RAPH1: variants seen among roughly 807,000 people sequenced by gnomAD.
The protein encoded by RAPH1 is ras-associated and pleckstrin homology domains-containing protein 1.
RAPH1 carries 18 observed loss-of-function variants against 88.1 expected under a neutral mutation model. That is an observed-to-expected ratio of 0.20 (90% confidence interval 0.14 to 0.30). The LOEUF (loss-of-function observed/expected upper bound fraction) is 0.30, where lower values mean the gene tolerates loss of function less well. Ranked by LOEUF, RAPH1 falls within the 10% of genes least tolerant of loss-of-function variation. RAPH1 has a pLI of 1.00. For synonymous variants in RAPH1, 587 were observed against 559.0 expected (o/e 1.05, Z -0.71); for missense variants, 1,448 against 1,543.2 (o/e 0.94, Z 1.03).
chr2:203,450,282 C>G (rs190614212), intron 10 of RAPH1, among the ~76,000 whole-genome samples: 39 of 152,084 alleles, frequency 2.6e-4, no homozygotes, highest in African/African-American at 8.7e-4. Flanking sequence ...CTTTTCAGAG[C>G]TCAGCTCCTA....
At chr2:203,498,099 T>C (rs1379742263) in intron 1 of RAPH1, among the ~76,000 whole-genome samples, 8 of 152,196 alleles carry the variant, frequency 5.3e-5, no homozygotes, top group Admixed American at 5.2e-4. Flanking sequence ...CCAGAAAATA[T>C]CCTAGGAGGA....
chr2:203,442,094 A>G, intron 13 of RAPH1: 1 of 1,593,166 alleles, frequency 6.3e-7, no homozygotes, highest in Non-Finnish European at 8.5e-7. Flanking sequence ...GAAAATACAT[A>G]AAGAAATGCT....
intron 1 of RAPH1, among the ~76,000 whole-genome samples, chr2:203,534,505 TCCA>T (rs1284031657): frequency 0.027 from 202 of 7,396 alleles, no homozygotes; most frequent in African/African-American, 0.048. Flanking sequence ...CCTCCCTCCG[TCCA>T]CCCCCCCCCC....
At chr2:203,523,262 G>A (rs1471464686) in intron 1 of RAPH1, among the ~76,000 whole-genome samples, 3 of 151,800 alleles carry the variant, frequency 2.0e-5, no homozygotes, top group East Asian at 1.9e-4. Context: ...GCGTGGTGGC[G>A]GGCGCCTGTA....
intron 13 of RAPH1, chr2:203,444,554 A>T: frequency 2.9e-6 from 1 of 348,846 alleles, no homozygotes; most frequent in Non-Finnish European, 5.1e-6. Context: ...AACTGCTTAA[A>T]GGTGGAAAGG....
At chr2:203,447,851 A>G in intron 12 of RAPH1, 108 bp downstream of exon 12, 2 of 1,157,850 alleles carry the variant, frequency 1.7e-6, no homozygotes, top group Non-Finnish European at 2.4e-6. Context: ...GGAATTAAGT[A>G]TGGCTCCGGT....
At chr2:203,482,428 C>T (rs1424267018) in intron 4 of RAPH1, among the ~76,000 whole-genome samples, 3 of 152,266 alleles carry the variant, frequency 2.0e-5, no homozygotes, top group African/African-American at 7.2e-5. Flanking sequence ...TCAGGTGATC[C>T]GCCTGCCTTG....
At chr2:203,487,628 G>A (rs1208426891) in intron 4 of RAPH1, among the ~76,000 whole-genome samples, 10 of 151,944 alleles carry the variant, frequency 6.6e-5, no homozygotes, top group Non-Finnish European at 1.0e-4. Flanking sequence ...CAGGTGATCC[G>A]CCCGCCTCGG....
intron 1 of RAPH1, among the ~76,000 whole-genome samples, chr2:203,498,215 T>C (rs966862586): frequency 2.6e-5 from 4 of 152,224 alleles, no homozygotes; most frequent in African/African-American, 9.6e-5. Context: ...GATACCATTA[T>C]GTCACTATTG....
At position 203,437,406 on chromosome 2, in the gene RAPH1, A is replaced by G. The variant is rs1321084385; in HGVS notation, c.*2031T>C. On this transcript the variant is annotated 3_prime_UTR_variant, in exon 14 of 14. Transcript: ENST00000319170. ...CCCCTCAAACTATAAAACTGCAGGC[A>G]GAAGACTATGAGAAATTCATTCATG... is the stretch of plus-strand genomic sequence containing the variant. The G allele has an allele frequency of 1.3e-5, 2 of 152,214 alleles. No homozygotes were observed. The highest frequency in any genetic ancestry group is 2.9e-5 in the Non-Finnish European group (2 of 68,022). The allele number at this position is 152,214 out of a possible 1,614,324, so 9.4% of individuals were successfully genotyped here.
At position 203,440,039 on chromosome 2, in the gene RAPH1, G is replaced by A; in HGVS notation, c.3151C>T (p.Pro1051Ser). The A allele has an allele frequency of 1.2e-6, 2 of 1,613,696 alleles. No homozygotes were observed. The highest frequency in any genetic ancestry group is 1.7e-6 in the Non-Finnish European group (2 of 1,179,998). ...LQQGCVSAKA[P>S]VLSGRGKDSV... ...TCCTTTCCACGCCCACTCAGAACAG[G>A]GGCTTTTGCTGACACACACCCTTGT... Residue 1051 changes from proline to serine, a missense_variant, in exon 14 of 14, where the codon CCT (proline) becomes TCT (serine). This residue lies in a region of RAPH1 where 935 missense variants were observed against 890.1 expected (regional missense o/e 1.05). Coordinates refer to ENST00000319170, the MANE Select transcript of RAPH1 (RefSeq NM_213589.3).
intron 4 of RAPH1, among the ~76,000 whole-genome samples, chr2:203,465,385 T>C (rs1232579083): frequency 6.6e-6 from 1 of 152,068 alleles, no homozygotes; most frequent in Non-Finnish European, 1.5e-5. Flanking sequence ...AAGAAGCCAA[T>C]CTCAGAAAGA....
chr2:203,523,503 CAT>C (rs1339165969), intron 1 of RAPH1, among the ~76,000 whole-genome samples: 1 of 151,430 alleles, frequency 6.6e-6, no homozygotes, highest in Non-Finnish European at 1.5e-5. Flanking sequence ...CGATATCACT[CAT>C]AAACAAAAAT....
At chr2:203,460,143 G>A in intron 6 of RAPH1, 115 bp from the exon 7 acceptor site, 1 of 869,042 alleles carries the variant, frequency 1.2e-6, no homozygotes, top group Non-Finnish European at 1.7e-6. Context: ...CGACATTTTA[G>A]CACCTAAAAA....
chr2:203,514,813 CAA>C (rs929866166), intron 1 of RAPH1, among the ~76,000 whole-genome samples: 17 of 152,164 alleles, frequency 1.1e-4, no homozygotes, highest in African/African-American at 3.9e-4. Flanking sequence ...CTCAGCCTCC[CAA>C]AGTGCTAGGC....
Position 203,440,023 on chromosome 2 carries a change from C to G in RAPH1, c.3167G>C (p.Arg1056Pro). ...AAATTCCACCACGGAGTCCTTTCCA[C>G]GCCCACTCAGAACAGGGGCTTTTGC... ...VSAKAPVLSG[R>P]GKDSVVEFPS... is the part of the protein sequence containing the mutation. The change falls in exon 14 of 14, where the codon CGT becomes CCT. Residue 1056 changes from arginine to proline, a missense_variant. This residue lies in a region of RAPH1 where 935 missense variants were observed against 890.1 expected (regional missense o/e 1.05). Coordinates refer to ENST00000319170, the MANE Select transcript of RAPH1 (RefSeq NM_213589.3). The G allele has an allele frequency of 1.9e-6, 3 of 1,613,648 alleles. No homozygotes were observed. The highest frequency in any genetic ancestry group is 2.5e-6 in the Non-Finnish European group (3 of 1,179,966).
chr2:203,461,114 C>T, intron 6 of RAPH1, 135 bp downstream of exon 6: 1 of 311,688 alleles, frequency 3.2e-6, no homozygotes, highest in Non-Finnish European at 5.2e-6. Context: ...AGACTCCATC[C>T]CCCAAAAAAT....
At chr2:203,503,801 G>T (rs889020682) in intron 1 of RAPH1, among the ~76,000 whole-genome samples, 1 of 152,172 alleles carries the variant, frequency 6.6e-6, no homozygotes, top group Non-Finnish European at 1.5e-5. Flanking sequence ...TACAATGGGG[G>T]TACAGGTATT....
intron 1 of RAPH1, among the ~76,000 whole-genome samples, chr2:203,497,765 G>C (rs1187652905): frequency 6.6e-6 from 1 of 152,098 alleles, no homozygotes; most frequent in Non-Finnish European, 1.5e-5. Flanking sequence ...ATTCATAAAT[G>C]TGATTCTTAA....
Sources: gnomAD v4.1 joint callset for allele counts (sites outside exome capture counted in the v4.1 genomes callset) on GRCh38, gnomAD v4.1.1 for gene constraint, gnomAD v4.1.1 regional missense constraint, MANE v1.5 for transcripts, NCBI Gene and HGNC (gene_info 2026-07-23, HGNC 2026-07-21) for gene names.